The following PLXDC2 variants were observed in gnomAD, a reference collection of about 807,000 sequenced individuals.
PLXDC2 encodes plexin domain containing 2.
PLXDC2 carries 40 observed loss-of-function variants against 68.9 expected under a neutral mutation model. The ratio of observed to expected loss-of-function variants is 0.58; its 90% CI spans 0.45 to 0.76. PLXDC2 has a LOEUF of 0.76. Ranked by LOEUF, PLXDC2 falls within the 30% of genes least tolerant of loss-of-function variation. PLXDC2 has a pLI of 0.00. For missense variants in PLXDC2, 644 were observed against 661.9 expected, an observed-to-expected ratio of 0.97 and a Z score of 0.30; for synonymous variants, 243 against 234.2, an observed-to-expected ratio of 1.04 and a Z score of -0.34.
chr10:20,045,893 A>G (rs976682417), intron 2 of PLXDC2, among the ~76,000 whole-genome samples: 8 of 152,260 alleles, frequency 5.3e-5, no homozygotes, highest in Admixed American at 2.0e-4. Context: ...CAATAATTAT[A>G]TAATTTTTCT....
At chr10:20,121,917 A>C (rs1057231529) in intron 4 of PLXDC2, among the ~76,000 whole-genome samples, 1 of 152,156 alleles carries the variant, frequency 6.6e-6, no homozygotes, top group South Asian at 2.1e-4. Flanking sequence ...ATTGGCATCA[A>C]TCGGGGTAAG....
At chr10:20,061,584 A>C (rs1273011801) in intron 3 of PLXDC2, among the ~76,000 whole-genome samples, 1 of 152,156 alleles carries the variant, frequency 6.6e-6, no homozygotes, top group East Asian at 1.9e-4. Context: ...GTAATTAAAA[A>C]AATCTTGTTG....
intron 4 of PLXDC2, among the ~76,000 whole-genome samples, chr10:20,099,320 T>C (rs1468414623): frequency 1.3e-5 from 2 of 152,212 alleles, no homozygotes; most frequent in Non-Finnish European, 2.9e-5. Flanking sequence ...TTCTTGTTCA[T>C]TCTATTTTAG....
intron 2 of PLXDC2, among the ~76,000 whole-genome samples, chr10:20,025,191 C>A (rs1835377431): frequency 6.6e-6 from 1 of 151,834 alleles, no homozygotes; most frequent in African/African-American, 2.4e-5. Flanking sequence ...AGTAGCTAAA[C>A]TAATTTACAT....
rs373423413 is a variant in PLXDC2 at position 20,098,798 on chromosome 10, C to T, written c.541+30559C>T. ...TAATCCAATTCTGACAAATGAGACACAAGAAAAGAATCAGATTGGGAGTTA... is the reference window on the plus strand; with the variant it reads ...TAATCCAATTCTGACAAATGAGACATAAGAAAAGAATCAGATTGGGAGTTA... On this transcript the variant is annotated intron_variant, in intron 4 of 13. Coordinates refer to ENST00000377252, the MANE Select transcript of PLXDC2 (RefSeq NM_032812.9). 1.5e-4 allele frequency among the ~76,000 whole-genome samples: 23 copies of T among 152,198 alleles called. 1 individual carries two copies. The highest frequency in any genetic ancestry group is 3.4e-3 in the Middle Eastern group (1 of 294).
intron 1 of PLXDC2, among the ~76,000 whole-genome samples, chr10:19,842,351 A>G (rs1836925266): frequency 6.6e-6 from 1 of 152,146 alleles, no homozygotes; most frequent in South Asian, 2.1e-4. Context: ...ACCTCTTAGC[A>G]TGCGTTGAGG....
chr10:20,093,814 A>G (rs1833313018), intron 4 of PLXDC2, among the ~76,000 whole-genome samples: 1 of 152,036 alleles, frequency 6.6e-6, no homozygotes, highest in African/African-American at 2.4e-5. Flanking sequence ...GCTGGGACCA[A>G]AGGTTAGCAC....
chr10:19,976,597 A>G lies in PLXDC2; in HGVS notation c.113-25178A>G, dbSNP rs183694265. 2.0e-5 allele frequency among the ~76,000 whole-genome samples: 3 copies of G among 152,314 alleles called. No homozygotes were observed. In the East Asian group the frequency reaches 5.8e-4, roughly 29 times the overall value. ...CTATTTTTAGCTGCCATCAGCGTAC[A>G]AAAATTTCATGATGATGTGCCCAGA... On this transcript the variant is annotated intron_variant, in intron 1 of 13. Transcript: ENST00000377252.
chr10:20,183,490 G>A (rs1017435661), intron 9 of PLXDC2, among the ~76,000 whole-genome samples: 4 of 151,978 alleles, frequency 2.6e-5, no homozygotes, highest in Admixed American at 2.0e-4. Context: ...GGAAACAAGT[G>A]AAGAGGGAGA....
chr10:19,963,643 C>T (rs1834198347), intron 1 of PLXDC2, among the ~76,000 whole-genome samples: 1 of 152,008 alleles, frequency 6.6e-6, no homozygotes, highest in Non-Finnish European at 1.5e-5. Context: ...ACAATGAGAA[C>T]ACATGGACAC....
At chr10:20,185,256 G>C (rs1834667351) in intron 9 of PLXDC2, among the ~76,000 whole-genome samples, 1 of 151,010 alleles carries the variant, frequency 6.6e-6, no homozygotes, top group Non-Finnish European at 1.5e-5. Context: ...TCAACCCAAG[G>C]CCTCACAGTC....
At chr10:20,057,701 ATCTG>A (rs1354265586) in intron 3 of PLXDC2, among the ~76,000 whole-genome samples, 2 of 152,102 alleles carry the variant, frequency 1.3e-5, no homozygotes, top group African/African-American at 4.8e-5. Flanking sequence ...ACCCTGCAGC[ATCTG>A]TCTGAAAAGA....
chr10:20,111,743 A>G (rs1257628427), intron 4 of PLXDC2, among the ~76,000 whole-genome samples: 1 of 152,226 alleles, frequency 6.6e-6, no homozygotes, highest in Non-Finnish European at 1.5e-5. Flanking sequence ...AAGAAAGTTC[A>G]TTCTCCCAGA....
intron 9 of PLXDC2, among the ~76,000 whole-genome samples, chr10:20,199,401 A>C (rs1834887629): frequency 6.6e-6 from 1 of 151,998 alleles, no homozygotes; most frequent in African/African-American, 2.4e-5. Context: ...CTGTAATTCT[A>C]GTTGCAGAAA....
chr10:20,213,627 A>T (rs931432705), intron 10 of PLXDC2, among the ~76,000 whole-genome samples: 9 of 152,108 alleles, frequency 5.9e-5, no homozygotes, highest in African/African-American at 2.2e-4. Context: ...CACATTTCCT[A>T]ATTACAGAGG....
At chr10:20,050,951 A>C (rs181803509) in intron 3 of PLXDC2, among the ~76,000 whole-genome samples, 2 of 152,144 alleles carry the variant, frequency 1.3e-5, no homozygotes, top group African/African-American at 4.8e-5. Context: ...TTATTGCAGC[A>C]CTATTCACAA....
chr10:20,203,144 C>A (rs1004294907), intron 9 of PLXDC2, among the ~76,000 whole-genome samples: 2 of 152,130 alleles, frequency 1.3e-5, no homozygotes, highest in African/African-American at 4.8e-5. Flanking sequence ...AGGTGACATT[C>A]ACAGGAAGAA....
At chr10:20,147,706 A>T (rs1037972773) in intron 5 of PLXDC2, 78 bp from the exon 6 acceptor site, 2 of 883,916 alleles carry the variant, frequency 2.3e-6, no homozygotes, top group Middle Eastern at 2.4e-4. Context: ...ATGCAAAAAC[A>T]TTTTTGTGAA....
intron 1 of PLXDC2, among the ~76,000 whole-genome samples, chr10:19,822,031 G>A (rs186818631): frequency 6.1e-4 from 93 of 151,712 alleles, no homozygotes; most frequent in African/African-American, 2.0e-3. Flanking sequence ...TTGTATTTCC[G>A]TGTCTGAATT....
Sources: gnomAD v4.1 joint callset for allele counts (sites outside exome capture counted in the v4.1 genomes callset) on GRCh38, gnomAD v4.1.1 for gene constraint, MANE v1.5 for transcripts, NCBI Gene and HGNC (gene_info 2026-07-23, HGNC 2026-07-21) for gene names.